EMC10: variants seen among roughly 807,000 people sequenced by gnomAD.
EMC10 encodes the protein UPF0510 protein INM02.
EMC10 carries 40 observed loss-of-function variants against 32.2 expected under a neutral mutation model. That is an observed-to-expected ratio of 1.24 (90% CI 0.96 to 1.61). EMC10 has a LOEUF of 1.61. EMC10 is among the 40% of genes most tolerant of loss of function. The pLI, the probability that EMC10 is intolerant of heterozygous loss-of-function variation, is 0.00. For synonymous variants in EMC10, 178 were observed against 158.4 expected (o/e 1.12, Z -0.93); for missense variants, 402 against 357.7 (o/e 1.12, Z -1.00).
intron 1 of EMC10, 120 bp downstream of exon 1, chr19:50,476,778 T>G (rs2040230778): frequency 1.5e-6 from 1 of 653,342 alleles, no homozygotes; most frequent in South Asian, 2.2e-5. Context: ...AGGTGGGAGA[T>G]CCCTGGAAAG....
intron 3 of EMC10, 54 bp downstream of exon 3, chr19:50,479,120 G>C: frequency 7.1e-7 from 1 of 1,417,000 alleles, no homozygotes. Context: ...GTTTCCAGCT[G>C]TCTCTTCAGC....
chr19:50,479,366 C>A (rs561974284), intron 3 of EMC10, among the ~76,000 whole-genome samples: 15 of 152,246 alleles, frequency 9.9e-5, no homozygotes, highest in African/African-American at 1.4e-4. Flanking sequence ...TTTTCCAGAT[C>A]AGCTGAGCTG....
rs2040363676 is a variant in EMC10 at position 50,484,052 on chromosome 19, G to A, written c.*1793G>A. ...TTTTTTTTTTTTTTTTTTTGAGGCA[G>A]AGTCTCGCTCTGTCATCCAGGCTGG... On this transcript the variant is annotated 3_prime_UTR_variant, in exon 7 of 7. Coordinates refer to ENST00000334976, the MANE Select transcript of EMC10 (RefSeq NM_206538.4). The A allele has an allele frequency of 1.6e-5, 1 of 64,274 alleles. No homozygotes were observed. The highest frequency in any genetic ancestry group is 6.2e-4 in the South Asian group (1 of 1,606). 4.0% of individuals were successfully genotyped at this position (64,274 alleles called of 1,614,324 possible). A position where few individuals can be genotyped will look rare whatever the true frequency, so the allele number is the denominator to read the frequency against.
rs1362492563 is a variant in EMC10, at chr19:50,480,437, G to C, written c.403-144G>C. The C allele has an allele frequency of 2.6e-5, 29 of 1,100,598 alleles. No homozygotes were observed. Among genetic ancestry groups the C allele is most frequent in the Middle Eastern group, 2.2e-4 (1 of 4,600 alleles). The allele number at this position is 1,100,598 out of a possible 1,614,324, so 68.2% of individuals were successfully genotyped here. ...TGTGAGGACTCCCGGGTGGGGGGCGGTTGAACTTGGGCCTGAGGGTAACAG... is the reference window on the plus strand; with the variant it reads ...TGTGAGGACTCCCGGGTGGGGGGCGCTTGAACTTGGGCCTGAGGGTAACAG... On this transcript the variant is annotated intron_variant, in intron 4 of 6. Transcript: ENST00000334976. The surrounding 1 kb of genome is among the most constrained non-coding windows in gnomAD (Gnocchi z 4.4).
At position 50,476,597 on chromosome 19, in the gene EMC10, C is replaced by A; in HGVS notation, c.53C>A (p.Ala18Glu). Residue 18 changes from alanine to glutamate, a missense_variant, in exon 1 of 7, where the codon GCG (alanine) becomes GAG (glutamate). Ala to Glu is a moderately radical substitution (Grantham distance 107, BLOSUM62 -1). Transcript: ENST00000334976. ...CGGCTGCTCCTGCTCTTGCTGATGG[C>A]GGTAGCAGCGCCCAGTCGAGCCCGG... ...ATRLLLLLLM[A>E]VAAPSRARGS... 6.4e-7 allele frequency: 1 copy of A among 1,570,022 alleles called. No individual in the cohort carries two copies. Among genetic ancestry groups the A allele is most frequent in the Non-Finnish European group, 8.6e-7 (1 of 1,163,702 alleles).
chr19:50,482,339 C>T lies in EMC10; in HGVS notation c.*80C>T. 1.5e-6 allele frequency: 1 copy of T among 673,244 alleles called. No individual in the cohort carries two copies. The highest frequency in any genetic ancestry group is 2.6e-6 in the Non-Finnish European group (1 of 384,216). 41.7% of individuals were successfully genotyped at this position (673,244 alleles called of 1,614,324 possible). On this transcript the variant is annotated 3_prime_UTR_variant, in exon 7 of 7. Coordinates refer to ENST00000334976, the MANE Select transcript of EMC10 (RefSeq NM_206538.4). ...TGGAGTCCCCTGTGTCCTCAGCCAT[C>T]CCAAGAAGGGTTTGCTGGTCCCTCC...
At position 50,483,673 on chromosome 19, in the gene EMC10, C is replaced by T. The variant is rs1259446216; in HGVS notation, c.*1414C>T. On this transcript the variant is annotated 3_prime_UTR_variant, in exon 7 of 7. Transcript: ENST00000334976. ...CACCTCTCAGGCTCAGCGATTCTCC[C>T]ACCTCAGCCTCCTGAGTAGCTGGAA... The T allele has an allele frequency of 2.6e-5, 4 of 152,526 alleles. No homozygotes were observed. The highest frequency in any genetic ancestry group is 9.7e-5 in the African/African-American group (4 of 41,426). The allele number at this position is 152,526 out of a possible 1,614,324, so 9.4% of individuals were successfully genotyped here.
rs2122669868 is a variant in EMC10 at position 50,484,064 on chromosome 19, G to GT, written c.*1806dup. 1 of 109,616 alleles carries GT rather than the reference G, an allele frequency of 9.1e-6. No individual in the cohort carries two copies. The highest frequency in any genetic ancestry group is 3.1e-4 in the South Asian group (1 of 3,256). 6.8% of individuals were successfully genotyped at this position (109,616 alleles called of 1,614,324 possible). On this transcript the variant is annotated 3_prime_UTR_variant, in exon 7 of 7. Coordinates refer to ENST00000334976, the MANE Select transcript of EMC10 (RefSeq NM_206538.4). ...TTTTTTTGAGGCAGAGTCTCGCTCT[G>GT]TCATCCAGGCTGGAGTACAATGGCA...
chr19:50,476,603 C>T lies in EMC10; in HGVS notation c.59C>T (p.Ala20Val). 1 of 1,568,676 alleles carries T rather than the reference C, an allele frequency of 6.4e-7. No individual in the cohort carries two copies. Among genetic ancestry groups the T allele is most frequent in the African/African-American group, 1.4e-5 (1 of 73,750 alleles). ...CTCCTGCTCTTGCTGATGGCGGTAG[C>T]AGCGCCCAGTCGAGCCCGGGGCAGC... ...RLLLLLLMAVAAPSRARGSGC... is the reference protein window; with the variant it reads ...RLLLLLLMAVVAPSRARGSGC... The change falls in exon 1 of 7, where the codon GCA (alanine) becomes GTA (valine). Residue 20 changes from alanine to valine, a missense_variant. By Grantham distance (64) the Ala-to-Val change is moderately conservative (BLOSUM62 0). Transcript: ENST00000334976.
In EMC10 at chr19:50,481,075, G is replaced by C. The variant is rs1012828259; in HGVS notation, c.678+98G>C. On this transcript the variant is annotated intron_variant, in intron 6 of 6. Transcript: ENST00000334976. ...CCACCCAGACTCCCCTATGGTGCTC[G>C]GGCCTGCTCCTTGTCCTCCGGGCCT... The C allele has an allele frequency of 4.1e-5, 37 of 904,290 alleles. No homozygotes were observed. In the Admixed American group the frequency reaches 4.3e-4, roughly 11 times the overall value. The allele number at this position is 904,290 out of a possible 1,614,324, so 56.0% of individuals were successfully genotyped here.
At chr19:50,481,911 T>G in intron 6 of EMC10, 1 of 1,603,682 alleles carries the variant, frequency 6.2e-7, no homozygotes, top group Non-Finnish European at 8.5e-7. Flanking sequence ...TGCGTCCTGC[T>G]GCGCCAGGGC....
At chr19:50,482,055 G>C in intron 6 of EMC10, 94 bp from the exon 7 acceptor site, 1 of 1,451,510 alleles carries the variant, frequency 6.9e-7, no homozygotes, top group Non-Finnish European at 9.7e-7. Context: ...CCCTCATGCC[G>C]GTCCCCACCG....
At chr19:50,477,609 A>G (rs1257603596) in intron 1 of EMC10, among the ~76,000 whole-genome samples, 1 of 152,166 alleles carries the variant, frequency 6.6e-6, no homozygotes, top group Non-Finnish European at 1.5e-5. Context: ...TAGCATGAAA[A>G]AGAAGGCTTG....
At position 50,482,295 on chromosome 19, in the gene EMC10, C is replaced by A; in HGVS notation, c.*36C>A. 1 of 859,074 alleles carries A rather than the reference C, an allele frequency of 1.2e-6. No individual in the cohort carries two copies. The highest frequency in any genetic ancestry group is 1.6e-5 in the South Asian group (1 of 61,984). The allele number at this position is 859,074 out of a possible 1,614,324, so 53.2% of individuals were successfully genotyped here. ...TGGTCAGCGTCCCGTCTTGCACACC[C>A]AGGGGCCTCCCTTTCTGCTGGAGTC... On this transcript the variant is annotated 3_prime_UTR_variant, in exon 7 of 7. Coordinates refer to ENST00000334976, the MANE Select transcript of EMC10 (RefSeq NM_206538.4).
chr19:50,480,090 A>G lies in EMC10; in HGVS notation c.298-21A>G, dbSNP rs200652405. 5 of 1,589,110 alleles carry G rather than the reference A, an allele frequency of 3.1e-6. No homozygotes were observed. In the East Asian group the frequency reaches 6.8e-5, roughly 22 times the overall value. The stretch of plus-strand genomic sequence containing the variant: ...GGCTGACACCATCCTTCTGACCAGC[A>G]CCCTCTTCTCCCATCCCCAGGATGT... On this transcript the variant is annotated intron_variant, in intron 3 of 6. Coordinates refer to ENST00000334976, the MANE Select transcript of EMC10 (RefSeq NM_206538.4). The surrounding 1 kb of genome is among the most constrained non-coding windows in gnomAD (Gnocchi z 4.4).
In EMC10 at chr19:50,486,487, C is replaced by T. The variant is rs1009707843; in HGVS notation, c.*4228C>T. 3.9e-5 allele frequency: 6 copies of T among 152,100 alleles called. No individual in the cohort carries two copies. The highest frequency in any genetic ancestry group is 4.4e-5 in the Non-Finnish European group (3 of 68,008). The allele number at this position is 152,100 out of a possible 1,614,324, so 9.4% of individuals were successfully genotyped here. ...ATGTGTGAGCCACCGCCCCTGGCCT[C>T]TGTAGGCTTCTTTAACCCATCAGAG... On this transcript the variant is annotated 3_prime_UTR_variant, in exon 7 of 7. Transcript: ENST00000334976.
Position 50,480,825 on chromosome 19 carries a change from G to A in EMC10, c.585-59G>A. 6.4e-7 allele frequency: 1 copy of A among 1,567,350 alleles called. No homozygotes were observed. The highest frequency in any genetic ancestry group is 8.7e-7 in the Non-Finnish European group (1 of 1,153,486). ...GCCCCGGCCCTTCCTGGCGGCCTCA[G>A]GGTCTCCAGGTCCCTGGACTCCGGG... On this transcript the variant is annotated intron_variant, in intron 5 of 6. Coordinates refer to ENST00000334976, the MANE Select transcript of EMC10 (RefSeq NM_206538.4). This position sits in a 1 kb window ranked among gnomAD's most constrained non-coding sequence, Gnocchi z 4.4.
Position 50,477,928 on chromosome 19 carries a change from G to T in EMC10, c.115-1G>T, listed in dbSNP as rs752404824. Reference sequence around the variant, plus strand: ...CCTGGGGCCTTCTGTGTCCTCTGCAGGCTGGGGCGGAAGGTCGAGAGGGCG... The same window carrying T: ...CCTGGGGCCTTCTGTGTCCTCTGCATGCTGGGGCGGAAGGTCGAGAGGGCG... On this transcript the variant is annotated splice_acceptor_variant, in intron 1 of 6. Coordinates refer to ENST00000334976, the MANE Select transcript of EMC10 (RefSeq NM_206538.4). LOFTEE classifies it high-confidence loss of function. 7 of 1,598,314 alleles carry T rather than the reference G, an allele frequency of 4.4e-6. No individual in the cohort carries two copies. Among genetic ancestry groups the T allele is most frequent in the Non-Finnish European group, 5.1e-6 (6 of 1,175,166 alleles).
At position 50,482,480 on chromosome 19, in the gene EMC10, C is replaced by T. The variant is rs1004449428; in HGVS notation, c.*221C>T. 3 of 584,816 alleles carry T rather than the reference C, an allele frequency of 5.1e-6. No homozygotes were observed. Among genetic ancestry groups the T allele is most frequent in the Middle Eastern group, 2.6e-4 (1 of 3,862 alleles). 36.2% of individuals were successfully genotyped at this position (584,816 alleles called of 1,614,324 possible). A position where few individuals can be genotyped will look rare whatever the true frequency, so the allele number is the denominator to read the frequency against. Reference sequence around the variant, plus strand: ...AGCAGCCGGTGTCTCCTGCGCCCGCCTCCCCCATGGCCCCATGCAGCCCCA... The same window carrying T: ...AGCAGCCGGTGTCTCCTGCGCCCGCTTCCCCCATGGCCCCATGCAGCCCCA... On this transcript the variant is annotated 3_prime_UTR_variant, in exon 7 of 7. Transcript: ENST00000334976.
Sources: gnomAD v4.1 joint callset for allele counts (sites outside exome capture counted in the v4.1 genomes callset) on GRCh38, gnomAD v4.1.1 for gene constraint, Gnocchi (gnomAD v3.1) non-coding constraint, MANE v1.5 for transcripts, NCBI Gene and HGNC (gene_info 2026-07-23, HGNC 2026-07-21) for gene names.